Variants in CAPRIN2 observed in about 807,000 individuals in gnomAD.
CAPRIN2 encodes the protein caprin-2.
In CAPRIN2, 66 loss-of-function variants were observed where a neutral mutation model predicts 130.4. The observed-to-expected ratio is 0.51, with a 90% CI of 0.42 to 0.62. The LOEUF (loss-of-function observed/expected upper bound fraction) is 0.62. Ranked by LOEUF, CAPRIN2 falls within the 20% of genes least tolerant of loss-of-function variation. The pLI is 0.00. For missense variants in CAPRIN2, 1,185 were observed against 1,246.6 expected (o/e 0.95, Z 0.74); for synonymous variants, 471 against 444.1 (o/e 1.06, Z -0.76).
intron 2 of CAPRIN2, among the ~76,000 whole-genome samples, chr12:30,746,861 G>A (rs1592289499): frequency 6.6e-6 from 1 of 152,314 alleles, no homozygotes; most frequent in East Asian, 1.9e-4. Flanking sequence ...TAGCCAGAAA[G>A]TCTAGCTAAG....
At chr12:30,711,430 T>A in intron 16 of CAPRIN2, 136 bp downstream of exon 18, 1 of 691,908 alleles carries the variant, frequency 1.4e-6, no homozygotes, top group South Asian at 1.8e-5. Flanking sequence ...ACTTTAGTAC[T>A]ACATTCAAGC....
intron 3 of CAPRIN2, among the ~76,000 whole-genome samples, chr12:30,737,585 T>A (rs1431358071): frequency 6.8e-6 from 1 of 147,728 alleles, no homozygotes; most frequent in African/African-American, 2.5e-5. Flanking sequence ...TACTGAATGA[T>A]AAAACTGGTT....
At chr12:30,753,693 C>CTTA in exon 1 of CAPRIN2, 1 of 1,614,066 alleles carries the variant, frequency 6.2e-7, no homozygotes, top group Non-Finnish European at 8.5e-7. Context: ...AAGTCTAGAC[C>CTTA]ACTCCCTTAA....
chr12:30,751,164 T>C, intron 1 of CAPRIN2, 31 bp from the exon 3 acceptor site: 1 of 1,573,688 alleles, frequency 6.4e-7, no homozygotes, highest in African/African-American at 1.3e-5. Context: ...TCTACCATAG[T>C]CTGACATAAA....
chr12:30,729,398 G>C (rs2061894854), intron 7 of CAPRIN2, 73 bp from the exon 9 acceptor site: 3 of 1,019,344 alleles, frequency 2.9e-6, no homozygotes, highest in Non-Finnish European at 4.3e-6. Context: ...AACTCTATTA[G>C]TATTGCTATG....
chr12:30,728,550 A>T, intron 8 of CAPRIN2, 98 bp downstream of exon 9: 1 of 881,584 alleles, frequency 1.1e-6, no homozygotes, highest in Non-Finnish European at 1.6e-6. Flanking sequence ...GTGTTTCTCC[A>T]TCTCAAAAAA....
At chr12:30,711,539 GA>G in intron 16 of CAPRIN2, 26 bp downstream of exon 18, 1 of 1,579,998 alleles carries the variant, frequency 6.3e-7, no homozygotes, top group Non-Finnish European at 8.7e-7. Context: ...TGCTGGGTAA[GA>G]AAACTATTCA....
intron 3 of CAPRIN2, among the ~76,000 whole-genome samples, chr12:30,739,378 G>A (rs978705697): frequency 6.6e-6 from 1 of 152,094 alleles, no homozygotes; most frequent in Non-Finnish European, 1.5e-5. Context: ...CATAAGAGGG[G>A]AACAATACAC....
intron 1 of CAPRIN2, among the ~76,000 whole-genome samples, chr12:30,751,907 GTA>G (rs532254880): frequency 1.6e-5 from 2 of 123,538 alleles, no homozygotes; most frequent in African/African-American, 3.4e-5. Context: ...ACCCACTATG[GTA>G]TTTTTTTTTT....
intron 14 of CAPRIN2, among the ~76,000 whole-genome samples, 183 bp downstream of exon 16, chr12:30,714,776 C>G (rs986972908): frequency 2.0e-5 from 3 of 152,174 alleles, no homozygotes; most frequent in Non-Finnish European, 2.9e-5. Flanking sequence ...GCTTTTCATA[C>G]AGAAAATTAG....
At chr12:30,733,634 G>A (rs555322518) in exon 5 of CAPRIN2, 4 of 1,609,302 alleles carry the variant, frequency 2.5e-6, no homozygotes, top group South Asian at 1.1e-5. Context: ...CTCACATGTC[G>A]TTCCTACCAC....
exon 1 of CAPRIN2, chr12:30,754,244 AC>A: frequency 6.4e-6 from 1 of 156,400 alleles, no homozygotes. Context: ...TTTGGTTTAG[AC>A]TAGCCCAAAA....
At chr12:30,735,953 C>A (rs966676529) in intron 3 of CAPRIN2, among the ~76,000 whole-genome samples, 13 of 152,064 alleles carry the variant, frequency 8.5e-5, no homozygotes, top group Admixed American at 6.6e-4. Context: ...CCAGCCTGGG[C>A]AACATGGCAA....
In CAPRIN2 at chr12:30,731,224, G is replaced by T. The variant is rs914357131; in HGVS notation, c.1060+119C>A. 7.6e-6 allele frequency: 5 copies of T among 661,184 alleles called. No homozygotes were observed. The South Asian group carries it at 1.2e-4, about 16-fold the overall frequency. 41.0% of individuals were successfully genotyped at this position (661,184 alleles called of 1,614,324 possible). On this transcript the variant is annotated intron_variant, in intron 6 of 16. Coordinates refer to ENST00000298892, the Ensembl canonical transcript of CAPRIN2. ...CTAGGTTTATCCTGTGGTAAGTAAA[G>T]ATTTCCATGCATGTAGAACCTAACA...
intron 3 of CAPRIN2, among the ~76,000 whole-genome samples, chr12:30,736,868 A>C (rs569458643): frequency 6.6e-6 from 1 of 152,336 alleles, no homozygotes; most frequent in East Asian, 1.9e-4. Flanking sequence ...AGGGAAAAGC[A>C]ACTGATTCAC....
chr12:30,713,623 C>T (rs942687321), intron 15 of CAPRIN2, among the ~76,000 whole-genome samples, 162 bp downstream of exon 17: 1 of 152,140 alleles, frequency 6.6e-6, no homozygotes, highest in Non-Finnish European at 1.5e-5. Context: ...TGGGTAATTG[C>T]AAAAACTTCC....
intron 2 of CAPRIN2, among the ~76,000 whole-genome samples, chr12:30,747,765 T>C (rs2071429032): frequency 6.6e-6 from 1 of 152,036 alleles, no homozygotes; most frequent in Admixed American, 6.5e-5. Context: ...GCAAAGTAAA[T>C]TGAAAAGTTT....
intron 1 of CAPRIN2, among the ~76,000 whole-genome samples, chr12:30,752,209 A>T (rs1312527560): frequency 9.2e-5 from 14 of 152,126 alleles, no homozygotes; most frequent in Non-Finnish European, 4.4e-5. Flanking sequence ...GGTGTGAGCC[A>T]CTGCACCCGG....
At chr12:30,739,688 C>A (rs2066489862) in intron 3 of CAPRIN2, among the ~76,000 whole-genome samples, 1 of 149,518 alleles carries the variant, frequency 6.7e-6, no homozygotes. Flanking sequence ...GCACTCCAGC[C>A]TGGGCGACAG....
Sources: gnomAD v4.1 joint callset for allele counts (sites outside exome capture counted in the v4.1 genomes callset) on GRCh38, gnomAD v4.1.1 for gene constraint, MANE v1.5 for transcripts, NCBI Gene and HGNC (gene_info 2026-07-23, HGNC 2026-07-21) for gene names.